SLIT1: variants seen among roughly 807,000 people sequenced by gnomAD.
SLIT1 encodes the protein slit homolog 1 protein.
SLIT1 carries 66 observed loss-of-function variants against 186.1 expected under a neutral mutation model. That is an observed-to-expected ratio of 0.35 (90% confidence interval 0.29 to 0.44). SLIT1 has a LOEUF of 0.44. Among genes scored for constraint, SLIT1 ranks in the 20% least tolerant of loss-of-function variants. SLIT1 has a pLI of 1.00. For missense variants in SLIT1, 1,638 were observed against 2,037.4 expected, an observed-to-expected ratio of 0.80 and a Z score of 3.77; for synonymous variants, 761 against 833.8, an observed-to-expected ratio of 0.91 and a Z score of 1.50.
intron 22 of SLIT1, among the ~76,000 whole-genome samples, chr10:97,037,048 T>TTGTGTGTGTG (rs59578209): frequency 3.4e-4 from 40 of 116,946 alleles, no homozygotes; most frequent in East Asian, 5.3e-4. Flanking sequence ...ATAACCCCCT[T>TTGTGTGTGTG]TGTGTGTGTG....
At chr10:97,071,240 C>A (rs1466448068) in intron 4 of SLIT1, among the ~76,000 whole-genome samples, 2 of 152,186 alleles carry the variant, frequency 1.3e-5, no homozygotes, top group East Asian at 3.9e-4. Flanking sequence ...GCCACCTTTG[C>A]TGACCCACAG....
In SLIT1 at chr10:97,030,043, G is replaced by C. The variant is rs1370988400; in HGVS notation, c.2582+714C>G. On this transcript the variant is annotated intron_variant, in intron 25 of 36. Coordinates refer to ENST00000266058, the MANE Select transcript of SLIT1 (RefSeq NM_003061.3). ...CATCTGTGGACATAGGCTGTTTCCA[G>C]TTCGGGGTTATTATGTAAAATGCTG... Among the ~76,000 whole-genome samples the C allele has an allele frequency of 7.2e-5, 11 of 152,180 alleles. 1 individual carries two copies. The highest frequency in any genetic ancestry group is 7.2e-4 in the Admixed American group (11 of 15,274).
At chr10:97,070,105 A>G (rs1848987942) in intron 4 of SLIT1, among the ~76,000 whole-genome samples, 1 of 152,206 alleles carries the variant, frequency 6.6e-6, no homozygotes, top group African/African-American at 2.4e-5. Flanking sequence ...AAGGAAGTGC[A>G]TTCTCCAGCC....
At chr10:97,151,482 G>T (rs1034997628) in intron 4 of SLIT1, among the ~76,000 whole-genome samples, 3 of 151,808 alleles carry the variant, frequency 2.0e-5, no homozygotes, top group African/African-American at 7.3e-5. Context: ...CAGGAGTAGG[G>T]AGAGAGATGG....
Position 97,166,561 on chromosome 10 carries a change from G to GGAA in SLIT1, c.198-1672_198-1671insTTC, listed in dbSNP as rs1306776201. Among the ~76,000 whole-genome samples, 71 of 37,994 alleles carry GGAA rather than the reference G, an allele frequency of 1.9e-3. 2 individuals carry two copies. The highest frequency in any genetic ancestry group is 0.024 in the Middle Eastern group (2 of 82). The allele number at this position is 37,994 out of a possible 152,430, so 24.9% of individuals were successfully genotyped here. Reference sequence around the variant, plus strand: ...AAGGAAGGAAGGAAGGAAGGAAAGAGAGAGAGAGAGAAAGAAAGAAAGAAA... The same window carrying GGAA: ...AAGGAAGGAAGGAAGGAAGGAAAGAGGAAAGAGAGAGAGAAAGAAAGAAAGAAA... On this transcript the variant is annotated intron_variant, in intron 1 of 36. Coordinates refer to ENST00000266058, the MANE Select transcript of SLIT1 (RefSeq NM_003061.3).
intron 28 of SLIT1, among the ~76,000 whole-genome samples, chr10:97,014,928 G>T (rs1848442193): frequency 6.6e-6 from 1 of 151,730 alleles, no homozygotes; most frequent in Non-Finnish European, 1.5e-5. Flanking sequence ...TAGGGGCCCT[G>T]CCCATCCACA....
At position 97,000,853 on chromosome 10, in the gene SLIT1, T is replaced by C. The variant is rs1031851960; in HGVS notation, c.*259A>G. On this transcript the variant is annotated 3_prime_UTR_variant, in exon 37 of 37. Transcript: ENST00000266058. ...CACGCACACATTCACTCAACAAATATTTATTAAGCGCCTATTTGTGCAAGG... is the reference window on the plus strand; with the variant it reads ...CACGCACACATTCACTCAACAAATACTTATTAAGCGCCTATTTGTGCAAGG... 1.0e-4 allele frequency: 52 copies of C among 519,984 alleles called. No homozygotes were observed. The highest frequency in any genetic ancestry group is 1.5e-4 in the Non-Finnish European group (44 of 289,322). The allele number at this position is 519,984 out of a possible 1,614,324, so 32.2% of individuals were successfully genotyped here. A position where few individuals can be genotyped will look rare whatever the true frequency, so the allele number is the denominator to read the frequency against.
intron 1 of SLIT1, among the ~76,000 whole-genome samples, chr10:97,173,120 C>T (rs563223881): frequency 6.6e-6 from 1 of 152,282 alleles, no homozygotes; most frequent in African/African-American, 2.4e-5. Context: ...AAGGAAATAG[C>T]GTCCTTAGGG....
At chr10:97,134,203 C>A (rs1487287182) in intron 4 of SLIT1, among the ~76,000 whole-genome samples, 11 of 152,230 alleles carry the variant, frequency 7.2e-5, no homozygotes. Flanking sequence ...TTAGCTCACC[C>A]CATCCTGTGC....
intron 21 of SLIT1, among the ~76,000 whole-genome samples, 189 bp from the exon 22 acceptor site, chr10:97,037,955 C>T (rs1212569913): frequency 6.6e-6 from 1 of 152,080 alleles, no homozygotes; most frequent in East Asian, 1.9e-4. Flanking sequence ...TGGGGAGGTG[C>T]CACCCAGAGG....
intron 4 of SLIT1, among the ~76,000 whole-genome samples, chr10:97,104,431 C>T (rs531204716): frequency 2.0e-5 from 3 of 152,148 alleles, no homozygotes; most frequent in East Asian, 1.9e-4. Flanking sequence ...AAATGATGCA[C>T]GTAAGGCAGT....
At chr10:97,030,929 C>A in intron 24 of SLIT1, 101 bp from the exon 25 acceptor site, 1 of 998,420 alleles carries the variant, frequency 1.0e-6, no homozygotes, top group Admixed American at 1.9e-5. Context: ...ACAGGCCGTG[C>A]CTTCCCTCTA....
In SLIT1 at chr10:97,001,324, G is replaced by A. The variant is rs762679751; in HGVS notation, c.4393C>T (p.Arg1465Trp). The A allele has an allele frequency of 3.0e-5, 48 of 1,612,792 alleles. No homozygotes were observed. Among genetic ancestry groups the A allele is most frequent in the Admixed American group, 8.3e-5 (5 of 59,984 alleles). Reference protein sequence around the residue: ...QESECRGDPVRDFHQVQRGYA... With the variant: ...QESECRGDPVWDFHQVQRGYA... ...CCCCTCTGGACCTGGTGAAAGTCCCGGACAGGGTCCCCCCGGCACTCGGAC... is the reference window on the plus strand; with the variant it reads ...CCCCTCTGGACCTGGTGAAAGTCCCAGACAGGGTCCCCCCGGCACTCGGAC... The change falls in exon 37 of 37, where the codon CGG (arginine) becomes TGG (tryptophan). Residue 1465 changes from arginine to tryptophan, a missense_variant. Physicochemically the swap from Arg to Trp is moderately radical, Grantham distance 101 (BLOSUM62 -3). Coordinates refer to ENST00000266058, the MANE Select transcript of SLIT1 (RefSeq NM_003061.3).
intron 4 of SLIT1, among the ~76,000 whole-genome samples, chr10:97,106,387 AGAATGAATGAATGAATGAAC>A (rs1564677472): frequency 2.8e-5 from 4 of 144,916 alleles, no homozygotes; most frequent in East Asian, 3.9e-4. Flanking sequence ...AGAGACAGAG[AGAATGAATGAATGAATGAAC>A]GAATGAATGA....
intron 28 of SLIT1, among the ~76,000 whole-genome samples, chr10:97,014,501 A>G (rs1848437878): frequency 6.6e-6 from 1 of 152,194 alleles, no homozygotes; most frequent in African/African-American, 2.4e-5. Flanking sequence ...GGAGGAGGTG[A>G]TGAATTAACC....
chr10:97,018,861 AGTC>A, intron 27 of SLIT1, 119 bp downstream of exon 27: 1 of 652,818 alleles, frequency 1.5e-6, no homozygotes, highest in Non-Finnish European at 2.7e-6. Flanking sequence ...TCATATGTTA[AGTC>A]ATTAATTACA....
chr10:97,059,340 G>A, intron 11 of SLIT1, 120 bp downstream of exon 11: 3 of 788,490 alleles, frequency 3.8e-6, no homozygotes, highest in Non-Finnish European at 6.5e-6. Flanking sequence ...GGTGGGCAGG[G>A]GCTGTGTGGA....
At chr10:97,092,226 T>C (rs1374696555) in intron 4 of SLIT1, among the ~76,000 whole-genome samples, 1 of 152,326 alleles carries the variant, frequency 6.6e-6, no homozygotes, top group African/African-American at 2.4e-5. Flanking sequence ...CCTAAAACCA[T>C]GTGCAAATTG....
intron 1 of SLIT1, among the ~76,000 whole-genome samples, chr10:97,173,120 C>G (rs563223881): frequency 6.6e-6 from 1 of 152,164 alleles, no homozygotes; most frequent in Non-Finnish European, 1.5e-5. Flanking sequence ...AAGGAAATAG[C>G]GTCCTTAGGG....
Sources: gnomAD v4.1 joint callset for allele counts (sites outside exome capture counted in the v4.1 genomes callset) on GRCh38, gnomAD v4.1.1 for gene constraint, MANE v1.5 for transcripts, NCBI Gene and HGNC (gene_info 2026-07-23, HGNC 2026-07-21) for gene names.